AGBL1: variants seen among roughly 807,000 people sequenced by gnomAD.
The protein encoded by AGBL1 is cytosolic carboxypeptidase 4.
In AGBL1, 130 loss-of-function variants were observed where a neutral mutation model predicts 118.9. The ratio of observed to expected loss-of-function variants is 1.09; its 90% confidence interval spans 0.95 to 1.26. AGBL1 has a LOEUF of 1.26. Among genes scored for constraint, AGBL1 ranks in the 50% most tolerant of loss-of-function variants. AGBL1 has a pLI of 0.00. For synonymous variants in AGBL1, 555 were observed against 478.9 expected, an observed-to-expected ratio of 1.16 and a Z score of -2.08; for missense variants, 1,584 against 1,298.1, an observed-to-expected ratio of 1.22 and a Z score of -3.38.
chr15:86,570,505 A>G (rs1247269451), intron 21 of AGBL1, among the ~76,000 whole-genome samples: 3 of 152,134 alleles, frequency 2.0e-5, no homozygotes, highest in Non-Finnish European at 4.4e-5. Context: ...AAAAGTGGGA[A>G]TTTCTCAGAA....
At chr15:86,471,336 G>A (rs1408540862) in intron 18 of AGBL1, among the ~76,000 whole-genome samples, 1 of 152,080 alleles carries the variant, frequency 6.6e-6, no homozygotes, top group African/African-American at 2.4e-5. Flanking sequence ...TATTAAGATG[G>A]TGTATAACAT....
intron 17 of AGBL1, among the ~76,000 whole-genome samples, chr15:86,314,198 G>C (rs1567194361): frequency 6.6e-6 from 1 of 152,238 alleles, no homozygotes; most frequent in Non-Finnish European, 1.5e-5. Context: ...GGATGGGTAG[G>C]AGCTATTCAT....
intron 16 of AGBL1, among the ~76,000 whole-genome samples, chr15:86,289,066 G>C (rs78334347): frequency 0.032 from 4,886 of 152,140 alleles, 251 homozygotes; most frequent in African/African-American, 0.1. Flanking sequence ...TGTTTGAACA[G>C]AGGCAAACAA....
At chr15:86,954,845 T>C (rs1596671603) in intron 23 of AGBL1, among the ~76,000 whole-genome samples, 1 of 152,206 alleles carries the variant, frequency 6.6e-6, no homozygotes, top group Non-Finnish European at 1.5e-5. Context: ...TCTGCTTCTC[T>C]CTTTCTGAAT....
intron 22 of AGBL1, among the ~76,000 whole-genome samples, chr15:86,890,104 T>C (rs532751762): frequency 1.3e-5 from 2 of 152,334 alleles, no homozygotes; most frequent in African/African-American, 2.4e-5. Flanking sequence ...TGGCTTGAGA[T>C]AGTATCACAC....
At chr15:86,356,242 T>A (rs1210687918) in intron 17 of AGBL1, among the ~76,000 whole-genome samples, 1 of 152,068 alleles carries the variant, frequency 6.6e-6, no homozygotes, top group Non-Finnish European at 1.5e-5. Context: ...AAAAATAGAA[T>A]GGCTTAGAGT....
At chr15:86,604,419 C>T (rs2084542273) in intron 21 of AGBL1, among the ~76,000 whole-genome samples, 1 of 152,078 alleles carries the variant, frequency 6.6e-6, no homozygotes, top group African/African-American at 2.4e-5. Flanking sequence ...TGGGACTTGG[C>T]CAAAGTTACC....
rs186730340 is a variant in AGBL1 at position 86,365,017 on chromosome 15, A to G, written c.2375-32349A>G. Among the ~76,000 whole-genome samples, 166 of 99,590 alleles carry G rather than the reference A, an allele frequency of 1.7e-3. 12 individuals carry two copies. The highest frequency in any genetic ancestry group is 5.5e-3 in the South Asian group (17 of 3,088). The allele number at this position is 99,590 out of a possible 152,430, so 65.3% of individuals were successfully genotyped here. A position where few individuals can be genotyped will look rare whatever the true frequency, so the allele number is the denominator to read the frequency against. On this transcript the variant is annotated intron_variant, in intron 17 of 22. Transcript: ENST00000614907. ...CACACACATATATATATACACACAC[A>G]TATATATATACACACACATATATAT...
At chr15:86,108,005 A>T (rs1567058890) in intron 1 of AGBL1, among the ~76,000 whole-genome samples, 1 of 152,242 alleles carries the variant, frequency 6.6e-6, no homozygotes, top group Non-Finnish European at 1.5e-5. Context: ...GATGGATGTC[A>T]TGCTATAAAA....
At chr15:86,090,610 A>G (rs1361311959) in intron 1 of AGBL1, among the ~76,000 whole-genome samples, 1 of 152,206 alleles carries the variant, frequency 6.6e-6, no homozygotes, top group Non-Finnish European at 1.5e-5. Flanking sequence ...TGGTTGTACC[A>G]TAATTTAAAT....
chr15:86,496,950 T>G (rs2082862296), intron 18 of AGBL1, among the ~76,000 whole-genome samples: 2 of 152,038 alleles, frequency 1.3e-5, no homozygotes, highest in South Asian at 4.1e-4. Context: ...GACATGATGT[T>G]TTGATATACA....
intron 19 of AGBL1, among the ~76,000 whole-genome samples, chr15:86,528,301 G>T (rs868152312): frequency 1.3e-5 from 2 of 152,340 alleles, no homozygotes; most frequent in African/African-American, 2.4e-5. Flanking sequence ...CCTGGGAAGC[G>T]CAAGGGGTCA....
chr15:86,694,798 C>T (rs2086228533), intron 22 of AGBL1, among the ~76,000 whole-genome samples: 1 of 151,934 alleles, frequency 6.6e-6, no homozygotes, highest in Non-Finnish European at 1.5e-5. Flanking sequence ...AGGTTTTAGT[C>T]ATAAAGCGAT....
At chr15:86,521,589 T>A (rs1292405540) in intron 18 of AGBL1, among the ~76,000 whole-genome samples, 1 of 152,240 alleles carries the variant, frequency 6.6e-6, no homozygotes, top group East Asian at 1.9e-4. Flanking sequence ...TCAGGGAAAG[T>A]TCCCCTGCAG....
chr15:86,951,846 T>C (rs1448171760), intron 23 of AGBL1, among the ~76,000 whole-genome samples: 1 of 152,210 alleles, frequency 6.6e-6, no homozygotes, highest in Non-Finnish European at 1.5e-5. Flanking sequence ...TGTTTAGGCC[T>C]GCTATGTCTT....
At position 87,006,009 on chromosome 15, in the gene AGBL1, A is replaced by C. The variant is rs141884406; in HGVS notation, c.3323+17921A>C. Among the ~76,000 whole-genome samples, 89 of 152,330 alleles carry C rather than the reference A, an allele frequency of 5.8e-4. 1 individual carries two copies. Among genetic ancestry groups the C allele is most frequent in the African/African-American group, 2.1e-3 (89 of 41,578 alleles). ...TAGCAGCAGAGGCTGCAGAACAGCA[A>C]ATATTGCTGAACAGCAAAAGTTGCT... is the stretch of plus-strand genomic sequence containing the variant. On this transcript the variant is annotated intron_variant, in intron 24 of 24. Transcript: ENST00000441037.
chr15:86,946,826 G>A (rs1034277404), intron 23 of AGBL1, among the ~76,000 whole-genome samples: 16 of 117,382 alleles, frequency 1.4e-4, no homozygotes, highest in Non-Finnish European at 8.3e-5. Context: ...CCTGGGCAAC[G>A]AGAGTGAAAC....
intron 22 of AGBL1, among the ~76,000 whole-genome samples, chr15:86,690,175 T>C (rs1162509806): frequency 1.3e-5 from 2 of 152,128 alleles, no homozygotes; most frequent in African/African-American, 4.8e-5. Context: ...TAGTGTTCTT[T>C]TGTTAGCTGT....
In AGBL1 at chr15:86,596,282, C is replaced by G. The variant is rs538332162; in HGVS notation, c.2994+41745C>G. Reference sequence around the variant, plus strand: ...TCAACAAAAGTCCTCTTCGCCACCCCCTCCCATATCCTCTTTTGCTAGGAT... The same window carrying G: ...TCAACAAAAGTCCTCTTCGCCACCCGCTCCCATATCCTCTTTTGCTAGGAT... On this transcript the variant is annotated intron_variant, in intron 21 of 22. Transcript: ENST00000614907. 2.3e-3 allele frequency among the ~76,000 whole-genome samples: 353 copies of G among 152,204 alleles called. 8 individuals carry two copies. The highest frequency in any genetic ancestry group is 8.2e-3 in the African/African-American group (339 of 41,538).
Sources: allele counts gnomAD v4.1 joint callset (sites outside exome capture counted in the v4.1 genomes callset), GRCh38; gene constraint gnomAD v4.1.1; transcripts MANE v1.5; gene names NCBI Gene and HGNC (gene_info 2026-07-23, HGNC 2026-07-21).